The following MACROD2 variants were observed in gnomAD, a reference collection of about 807,000 sequenced individuals.
The protein encoded by MACROD2 is mono-ADP ribosylhydrolase 2.
Under a neutral mutation model 70.4 loss-of-function variants are expected in MACROD2, and 36 were observed. The ratio of observed to expected loss-of-function variants is 0.51; its 90% CI spans 0.39 to 0.68. The LOEUF (loss-of-function observed/expected upper bound fraction) is 0.68. Among genes scored for constraint, MACROD2 ranks in the 30% least tolerant of loss-of-function variants. MACROD2 has a pLI of 0.00. For missense variants in MACROD2, 496 were observed against 538.4 expected, an observed-to-expected ratio of 0.92 and a Z score of 0.78; for synonymous variants, 172 against 178.8, an observed-to-expected ratio of 0.96 and a Z score of 0.30.
chr20:14,592,867 T>G (rs6074764), intron 4 of MACROD2, among the ~76,000 whole-genome samples: 24,463 of 152,156 alleles, frequency 0.16, 2,409 homozygotes, highest in East Asian at 0.39. Flanking sequence ...TGCTGTCAGG[T>G]CATTTCTTAA....
chr20:14,307,906 T>C (rs989336848), intron 3 of MACROD2, among the ~76,000 whole-genome samples: 3 of 152,138 alleles, frequency 2.0e-5, no homozygotes, highest in Non-Finnish European at 4.4e-5. Flanking sequence ...GATAATTACT[T>C]TGGATGATCT....
intron 2 of MACROD2, among the ~76,000 whole-genome samples, chr20:14,043,691 G>A (rs1317320159): frequency 2.0e-5 from 3 of 152,206 alleles, no homozygotes; most frequent in Admixed American, 6.5e-5. Flanking sequence ...TGAAATGGGT[G>A]TCTTATTACC....
intron 2 of MACROD2, among the ~76,000 whole-genome samples, chr20:14,022,157 C>T (rs888272024): frequency 2.6e-5 from 4 of 152,148 alleles, no homozygotes; most frequent in African/African-American, 7.2e-5. Flanking sequence ...AGAACTTCCT[C>T]GAGCTTCCAT....
intron 10 of MACROD2, among the ~76,000 whole-genome samples, chr20:15,895,453 G>A (rs1251327534): frequency 1.3e-5 from 2 of 152,206 alleles, no homozygotes; most frequent in Non-Finnish European, 2.9e-5. Flanking sequence ...AGATAGCTGG[G>A]CAAGGAGTGA....
intron 15 of MACROD2, among the ~76,000 whole-genome samples, chr20:15,990,902 A>G (rs1165944671): frequency 1.3e-5 from 2 of 152,214 alleles, no homozygotes; most frequent in African/African-American, 4.8e-5. Context: ...AAATTTTCTT[A>G]GAAGGCCAAC....
At chr20:15,134,091 A>G (rs2076127329) in intron 5 of MACROD2, among the ~76,000 whole-genome samples, 4 of 150,122 alleles carry the variant, frequency 2.7e-5, no homozygotes, top group Admixed American at 6.6e-5. Flanking sequence ...CATTTTTAGT[A>G]GAGATGGTGT....
chr20:15,815,841 G>T, intron 8 of MACROD2, among the ~76,000 whole-genome samples: 1 of 151,852 alleles, frequency 6.6e-6, no homozygotes, highest in African/African-American at 2.4e-5. Flanking sequence ...AAGTTAACAG[G>T]GTTTGAGTTT....
intron 1 of MACROD2, among the ~76,000 whole-genome samples, chr20:13,999,430 A>G (rs78394050): frequency 0.011 from 1,638 of 152,328 alleles, 27 homozygotes; most frequent in African/African-American, 0.035. Flanking sequence ...AATAGTTAAT[A>G]TTTAAGCCCC....
At chr20:15,960,263 C>T (rs1010007752) in intron 12 of MACROD2, among the ~76,000 whole-genome samples, 1 of 152,208 alleles carries the variant, frequency 6.6e-6, no homozygotes, top group Non-Finnish European at 1.5e-5. Flanking sequence ...GACCCAGCTA[C>T]TAGGGTCATA....
At chr20:14,504,330 C>A (rs8123190) in intron 4 of MACROD2, among the ~76,000 whole-genome samples, 1,888 of 152,172 alleles carry the variant, frequency 0.012, 36 homozygotes, top group African/African-American at 0.043. Flanking sequence ...TATTATTATT[C>A]TTCTCATTTT....
intron 3 of MACROD2, among the ~76,000 whole-genome samples, chr20:14,269,014 A>G (rs1422182898): frequency 6.6e-6 from 1 of 152,168 alleles, no homozygotes; most frequent in Non-Finnish European, 1.5e-5. Context: ...CACATTACTA[A>G]TAGCCATTGA....
intron 8 of MACROD2, among the ~76,000 whole-genome samples, chr20:15,695,525 C>A (rs1459891491): frequency 6.6e-6 from 1 of 151,928 alleles, no homozygotes; most frequent in Admixed American, 6.6e-5. Context: ...ATTCTCTTGC[C>A]TCAGCCTCCT....
At chr20:14,376,797 AATG>A (rs1460930771) in intron 3 of MACROD2, among the ~76,000 whole-genome samples, 4 of 132,120 alleles carry the variant, frequency 3.0e-5, no homozygotes, top group Admixed American at 7.8e-5. Flanking sequence ...TAATAATAAT[AATG>A]TACCCTTTGA....
chr20:15,945,943 A>T (rs552136929), intron 12 of MACROD2, among the ~76,000 whole-genome samples: 1 of 152,104 alleles, frequency 6.6e-6, no homozygotes, highest in Non-Finnish European at 1.5e-5. Flanking sequence ...TGTCATGGGA[A>T]CCCTGCAACC....
At chr20:15,681,154 A>G (rs6043436) in intron 8 of MACROD2, among the ~76,000 whole-genome samples, 18 of 152,298 alleles carry the variant, frequency 1.2e-4, no homozygotes, top group African/African-American at 4.1e-4. Flanking sequence ...CTTGTACTCT[A>G]CGTTTAAAGC....
intron 8 of MACROD2, among the ~76,000 whole-genome samples, chr20:15,595,453 A>G (rs533027560): frequency 1.3e-5 from 2 of 152,250 alleles, no homozygotes; most frequent in South Asian, 4.1e-4. Flanking sequence ...AACTGAGAAA[A>G]ATTTGGAGAG....
At chr20:15,389,376 G>T (rs1160500697) in intron 6 of MACROD2, among the ~76,000 whole-genome samples, 1 of 152,122 alleles carries the variant, frequency 6.6e-6, no homozygotes, top group Non-Finnish European at 1.5e-5. Flanking sequence ...GAAAGAGGAA[G>T]AAAGGAAGCA....
At chr20:15,539,392 G>A (rs2047923477) in intron 8 of MACROD2, among the ~76,000 whole-genome samples, 1 of 152,300 alleles carries the variant, frequency 6.6e-6, no homozygotes, top group African/African-American at 2.4e-5. Flanking sequence ...ACCTTGCCTT[G>A]CCAGCTATTT....
intron 5 of MACROD2, among the ~76,000 whole-genome samples, chr20:15,029,709 T>G (rs1463200142): frequency 1.3e-5 from 2 of 152,202 alleles, no homozygotes; most frequent in Admixed American, 1.3e-4. Flanking sequence ...TCCACAGTTA[T>G]GCCAAGTGTA....
Sources: gnomAD v4.1 joint callset for allele counts (sites outside exome capture counted in the v4.1 genomes callset) on GRCh38, gnomAD v4.1.1 for gene constraint, MANE v1.5 for transcripts, NCBI Gene and HGNC (gene_info 2026-07-23, HGNC 2026-07-21) for gene names.